Variants in TENM2 observed in about 807,000 individuals in gnomAD.
The protein encoded by TENM2 is teneurin-2.
A neutral mutation model predicts 245.2 loss-of-function variants in TENM2; 52 were observed. The observed-to-expected ratio is 0.21, with a 90% confidence interval of 0.17 to 0.27. TENM2 has a LOEUF of 0.27. TENM2 is among the 10% of genes least tolerant of loss of function. TENM2 has a pLI of 1.00. For missense variants in TENM2, 3,046 were observed against 3,666.8 expected, an observed-to-expected ratio of 0.83 and a Z score of 4.37; for synonymous variants, 1,363 against 1,438.9, an observed-to-expected ratio of 0.95 and a Z score of 1.19.
intron 4 of TENM2, among the ~76,000 whole-genome samples, chr5:167,973,302 C>T (rs954048361): frequency 2.0e-5 from 3 of 152,154 alleles, no homozygotes; most frequent in Non-Finnish European, 2.9e-5. Flanking sequence ...ATCTGAAACT[C>T]TGATTTTATG....
chr5:168,221,852 A>T (rs1474833233), intron 23 of TENM2, among the ~76,000 whole-genome samples: 1 of 152,160 alleles, frequency 6.6e-6, no homozygotes, highest in Admixed American at 6.5e-5. Context: ...AGGGGTGTGG[A>T]GTCCATCTCT....
chr5:167,680,407 C>T (rs1292227977), intron 2 of TENM2, among the ~76,000 whole-genome samples: 1 of 151,608 alleles, frequency 6.6e-6, no homozygotes, highest in East Asian at 1.9e-4. Context: ...TGGTGGTTCA[C>T]AAATCAGAAG....
chr5:167,570,512 A>G (rs1337932442), intron 2 of TENM2, among the ~76,000 whole-genome samples: 1 of 152,202 alleles, frequency 6.6e-6, no homozygotes, highest in Non-Finnish European at 1.5e-5. Flanking sequence ...TAGCTAGTTT[A>G]TAGATTAGGG....
At chr5:168,150,461 G>A (rs74586134) in intron 12 of TENM2, among the ~76,000 whole-genome samples, 3,245 of 152,284 alleles carry the variant, frequency 0.021, 125 homozygotes, top group African/African-American at 0.072. Flanking sequence ...GCCATGCGGG[G>A]GCTTCCCCAA....
At chr5:167,010,370 C>G in the TENM2 span, among the ~76,000 whole-genome samples, 22 of 151,902 alleles carry the variant, frequency 1.4e-4, no homozygotes, top group South Asian at 2.9e-3. Context: ...GCAACAAGAG[C>G]AAAACTCTGT....
chr5:167,850,568 A>G (rs912874562), intron 2 of TENM2, among the ~76,000 whole-genome samples: 1 of 152,234 alleles, frequency 6.6e-6, no homozygotes, highest in Non-Finnish European at 1.5e-5. Flanking sequence ...TTAAATGAGA[A>G]AATTCCTTTC....
chr5:167,685,579 A>G (rs1488890910), intron 2 of TENM2, among the ~76,000 whole-genome samples: 2 of 152,096 alleles, frequency 1.3e-5, no homozygotes, highest in African/African-American at 4.8e-5. Flanking sequence ...TTTTTAGAGA[A>G]TGTTTACTCC....
At chr5:167,106,720 A>G in the TENM2 span, among the ~76,000 whole-genome samples, 2 of 148,514 alleles carry the variant, frequency 1.3e-5, no homozygotes, top group African/African-American at 4.9e-5. Context: ...AGGTGATGGC[A>G]GTGAAAGCCT....
At chr5:167,716,954 C>CTATTT (rs1020938974) in intron 2 of TENM2, among the ~76,000 whole-genome samples, 16 of 81,788 alleles carry the variant, frequency 2.0e-4, no homozygotes, top group Non-Finnish European at 3.3e-4. Context: ...CTATTCTATT[C>CTATTT]TATTTTATTT....
intron 2 of TENM2, among the ~76,000 whole-genome samples, chr5:167,527,855 C>A (rs1260154647): frequency 6.6e-6 from 1 of 152,050 alleles, no homozygotes; most frequent in African/African-American, 2.4e-5. Context: ...GTAGAGTTAA[C>A]CTTCAATGTA....
the TENM2 span, among the ~76,000 whole-genome samples, chr5:167,069,187 A>G: frequency 6.6e-6 from 1 of 152,190 alleles, no homozygotes; most frequent in Non-Finnish European, 1.5e-5. Flanking sequence ...CTTAATTTCC[A>G]TTAAGGGAGC....
At chr5:167,667,363 A>G (rs1755642653) in intron 2 of TENM2, among the ~76,000 whole-genome samples, 1 of 152,180 alleles carries the variant, frequency 6.6e-6, no homozygotes, top group Non-Finnish European at 1.5e-5. Flanking sequence ...AAGGCAAGTC[A>G]GGGGAGAATC....
At chr5:168,237,770 A>T (rs1421646081) in intron 25 of TENM2, among the ~76,000 whole-genome samples, 1 of 151,836 alleles carries the variant, frequency 6.6e-6, no homozygotes, top group Non-Finnish European at 1.5e-5. Flanking sequence ...TTAAATTTAT[A>T]GCAAGTTGTT....
chr5:167,501,089 C>A (rs1188550354), intron 2 of TENM2, among the ~76,000 whole-genome samples: 1 of 152,138 alleles, frequency 6.6e-6, no homozygotes, highest in African/African-American at 2.4e-5. Context: ...CTACAAATAC[C>A]AGTCACACAA....
the TENM2 span, among the ~76,000 whole-genome samples, chr5:167,003,436 G>A: frequency 6.6e-6 from 1 of 152,164 alleles, no homozygotes; most frequent in Admixed American, 6.5e-5. Context: ...TCAAATCAGA[G>A]TTGCTTAATT....
chr5:167,470,231 C>T (rs989440423), intron 2 of TENM2, among the ~76,000 whole-genome samples: 1 of 151,980 alleles, frequency 6.6e-6, no homozygotes, highest in South Asian at 2.1e-4. Context: ...GATGATGACC[C>T]AGACATAAAT....
intron 2 of TENM2, among the ~76,000 whole-genome samples, chr5:167,504,078 T>C (rs770724263): frequency 1.3e-5 from 2 of 152,140 alleles, no homozygotes; most frequent in Non-Finnish European, 2.9e-5. Flanking sequence ...GGAACTTCTT[T>C]ATATAACTTA....
intron 23 of TENM2, among the ~76,000 whole-genome samples, chr5:168,219,491 C>T (rs376401961): frequency 6.6e-6 from 1 of 152,070 alleles, no homozygotes; most frequent in African/African-American, 2.4e-5. Flanking sequence ...TTAAAAGATG[C>T]GAGAGCTGGT....
the TENM2 span, among the ~76,000 whole-genome samples, chr5:167,131,658 A>G: frequency 1.3e-5 from 2 of 152,188 alleles, no homozygotes; most frequent in Non-Finnish European, 2.9e-5. Context: ...AAGGTGAGGA[A>G]TAGGAGAGCA....
Sources: gnomAD v4.1 joint callset for allele counts (sites outside exome capture counted in the v4.1 genomes callset) on GRCh38, gnomAD v4.1.1 for gene constraint, MANE v1.5 for transcripts, NCBI Gene and HGNC (gene_info 2026-07-23, HGNC 2026-07-21) for gene names.